The following OTUD7A variants were observed in gnomAD, a reference collection of about 807,000 sequenced individuals.
OTUD7A encodes OTU domain-containing protein 7A.
A neutral mutation model predicts 65.7 loss-of-function variants in OTUD7A; 12 were observed. The observed-to-expected ratio is 0.18, with a 90% CI of 0.12 to 0.30. The LOEUF (loss-of-function observed/expected upper bound fraction) is 0.30. Among genes scored for constraint, OTUD7A ranks in the 10% least tolerant of loss-of-function variants. The pLI is 1.00. For synonymous variants in OTUD7A, 641 were observed against 586.3 expected, an observed-to-expected ratio of 1.09 and a Z score of -1.35; for missense variants, 1,148 against 1,304.8, an observed-to-expected ratio of 0.88 and a Z score of 1.85.
chr15:31,623,436 T>C (rs985228758), intron 3 of OTUD7A, among the ~76,000 whole-genome samples: 1 of 152,224 alleles, frequency 6.6e-6, no homozygotes, highest in African/African-American at 2.4e-5. Context: ...CCTGGCCGCT[T>C]TGTTTACCTA....
intron 1 of OTUD7A, among the ~76,000 whole-genome samples, chr15:31,727,426 TC>T (rs1555411283): frequency 3.4e-4 from 52 of 151,444 alleles, no homozygotes; most frequent in African/African-American, 1.3e-3. Context: ...CTCCTTTTTT[TC>T]CCCACTGCTG....
chr15:31,571,507 C>G (rs1295865987), intron 3 of OTUD7A, among the ~76,000 whole-genome samples: 1 of 152,184 alleles, frequency 6.6e-6, no homozygotes, highest in Non-Finnish European at 1.5e-5. Context: ...CACCTTCTAA[C>G]TAATTCTCTG....
chr15:31,501,936 T>C, intron 9 of OTUD7A, 97 bp from the exon 10 acceptor site: 1 of 1,358,908 alleles, frequency 7.4e-7, no homozygotes, highest in East Asian at 2.3e-5. Flanking sequence ...CCGGGGGGAC[T>C]CCGTGGAGAA....
chr15:31,506,345 TAC>T (rs2041567366), intron 8 of OTUD7A, among the ~76,000 whole-genome samples: 1 of 152,166 alleles, frequency 6.6e-6, no homozygotes, highest in African/African-American at 2.4e-5. Context: ...TTGTAACAGA[TAC>T]AGTTTAGTTT....
At chr15:31,646,771 T>G (rs1461522599) in intron 3 of OTUD7A, among the ~76,000 whole-genome samples, 2 of 152,164 alleles carry the variant, frequency 1.3e-5, no homozygotes, top group Non-Finnish European at 1.5e-5. Flanking sequence ...AGTGTTTAAT[T>G]TTAAGCAGCC....
intron 1 of OTUD7A, among the ~76,000 whole-genome samples, chr15:31,751,154 A>G (rs985726458): frequency 1.3e-5 from 2 of 152,226 alleles, no homozygotes; most frequent in African/African-American, 4.8e-5. Context: ...GGCAGAAAAT[A>G]TTCACAAACT....
intron 3 of OTUD7A, among the ~76,000 whole-genome samples, chr15:31,601,491 C>T (rs1890073070): frequency 1.3e-5 from 2 of 152,110 alleles, no homozygotes; most frequent in African/African-American, 4.8e-5. Flanking sequence ...CACTAAATGC[C>T]CACAAGAGAA....
chr15:31,540,281 G>C (rs1887946612), intron 5 of OTUD7A, among the ~76,000 whole-genome samples: 1 of 152,146 alleles, frequency 6.6e-6, no homozygotes, highest in Admixed American at 6.5e-5. Context: ...TTCCCACAAA[G>C]GAGGTGAAAG....
chr15:31,596,765 A>G (rs1449312073), intron 3 of OTUD7A, among the ~76,000 whole-genome samples: 2 of 152,096 alleles, frequency 1.3e-5, no homozygotes, highest in Non-Finnish European at 2.9e-5. Flanking sequence ...CTGGTAATTC[A>G]TGTATCTTCT....
rs894956512 is a variant in OTUD7A, at chr15:31,737,589, T to G, written c.-99-80512A>C. Among the ~76,000 whole-genome samples, 19 of 152,338 alleles carry G rather than the reference T, an allele frequency of 1.2e-4. No individual in the cohort carries two copies. The East Asian group carries it at 2.1e-3, about 17-fold the overall frequency. The stretch of plus-strand genomic sequence containing the variant: ...TGGAAACGGCGATTCAAGTTCAATA[T>G]CTAAGAACTTGTTGACTCAGTGGTC... On this transcript the variant is annotated intron_variant, in intron 1 of 12. Coordinates refer to ENST00000307050, the MANE Select transcript of OTUD7A (RefSeq NM_001382637.1).
chr15:31,483,660 C>T lies in OTUD7A; in HGVS notation c.2436G>A (p.Ser812=). 1 of 1,168,388 alleles carries T rather than the reference C, an allele frequency of 8.6e-7. No individual in the cohort carries two copies. Among genetic ancestry groups the T allele is most frequent in the Non-Finnish European group, 1.1e-6 (1 of 949,364 alleles). 72.4% of individuals were successfully genotyped at this position (1,168,388 alleles called of 1,614,324 possible). The change falls in exon 13 of 13, where the codon TCG becomes TCA. Residue 812 remains serine, a synonymous_variant. Coordinates refer to ENST00000307050, the MANE Select transcript of OTUD7A (RefSeq NM_001382637.1). ...CGCGCGCCGGGCTGTAGCTCTGCGA[C>T]GACAGCGAGCGGTTCTGCTGCGGGT... ...ATYPQQNRSL[S]SQSYSPARAA... is the part of the protein sequence containing the mutation.
intron 1 of OTUD7A, among the ~76,000 whole-genome samples, chr15:31,719,642 C>T (rs1961529): frequency 1.1e-4 from 17 of 151,812 alleles, no homozygotes; most frequent in Admixed American, 2.0e-4. Flanking sequence ...TGCCCTGCCA[C>T]GCTGACTTCT....
chr15:31,686,782 C>T (rs1379256351), intron 1 of OTUD7A, among the ~76,000 whole-genome samples: 1 of 152,178 alleles, frequency 6.6e-6, no homozygotes, highest in Non-Finnish European at 1.5e-5. Flanking sequence ...CTCAGCCCGA[C>T]AAGAAGCCAA....
In OTUD7A at chr15:31,642,135, T is replaced by C. The variant is rs138016665; in HGVS notation, c.151+12961A>G. ...TCTAAAAATCAAGGACGAATGTGGATTTTACCAAAAGCTCTTTCTGCATTT... is the reference window on the plus strand; with the variant it reads ...TCTAAAAATCAAGGACGAATGTGGACTTTACCAAAAGCTCTTTCTGCATTT... On this transcript the variant is annotated intron_variant, in intron 3 of 12. Coordinates refer to ENST00000307050, the MANE Select transcript of OTUD7A (RefSeq NM_001382637.1). Among the ~76,000 whole-genome samples the C allele has an allele frequency of 4.3e-3, 661 of 152,328 alleles. 8 individuals are homozygous for C. The highest frequency in any genetic ancestry group is 0.015 in the African/African-American group (623 of 41,562).
chr15:31,820,752 T>C (rs1896658448), intron 1 of OTUD7A, among the ~76,000 whole-genome samples: 1 of 152,230 alleles, frequency 6.6e-6, no homozygotes, highest in African/African-American at 2.4e-5. Context: ...AGATTCTTTT[T>C]ATTTTTTCAA....
At chr15:31,837,078 T>G (rs912891230) in intron 1 of OTUD7A, among the ~76,000 whole-genome samples, 1 of 152,120 alleles carries the variant, frequency 6.6e-6, no homozygotes, top group Non-Finnish European at 1.5e-5. Context: ...ATAGTCTACA[T>G]AGAAAATAAT....
intron 3 of OTUD7A, among the ~76,000 whole-genome samples, chr15:31,627,337 A>G (rs1299160965): frequency 2.1e-5 from 3 of 145,268 alleles, no homozygotes; most frequent in Non-Finnish European, 4.5e-5. Context: ...GAGAACATGC[A>G]GTGTTTGGTT....
At chr15:31,824,664 G>C (rs537265466) in intron 1 of OTUD7A, among the ~76,000 whole-genome samples, 3 of 152,172 alleles carry the variant, frequency 2.0e-5, no homozygotes, top group African/African-American at 7.2e-5. Context: ...TCACACATCC[G>C]CTCCCTTCAC....
rs1388712034 is a variant in OTUD7A, at chr15:31,515,245, G to A, written c.893+11104C>T. ...GAGTCAGGTACTAATACTGAGAAGC[G>A]GGCAGAGCAAGGTGAATGGTAGCCC... On this transcript the variant is annotated intron_variant, in intron 8 of 12. Transcript: ENST00000307050. 3.3e-5 allele frequency among the ~76,000 whole-genome samples: 5 copies of A among 152,194 alleles called. No homozygotes were observed. The East Asian group carries it at 7.7e-4, about 23-fold the overall frequency.
Sources: allele counts gnomAD v4.1 joint callset (sites outside exome capture counted in the v4.1 genomes callset), GRCh38; gene constraint gnomAD v4.1.1; transcripts MANE v1.5; gene names NCBI Gene and HGNC (gene_info 2026-07-23, HGNC 2026-07-21).